PAK5: variants seen among roughly 807,000 people sequenced by gnomAD.
PAK5 encodes p21 (RAC1) activated kinase 5.
A neutral mutation model predicts 65.9 loss-of-function variants in PAK5; 16 were observed. That is an observed-to-expected ratio of 0.24 (90% CI 0.16 to 0.37). The LOEUF is 0.37. PAK5 is among the 10% of genes least tolerant of loss of function. PAK5 has a pLI of 1.00. For missense variants in PAK5, 785 were observed against 903.9 expected (o/e 0.87, Z 1.69); for synonymous variants, 371 against 354.9 (o/e 1.05, Z -0.51).
intron 6 of PAK5, among the ~76,000 whole-genome samples, chr20:9,558,310 C>T (rs891490456): frequency 6.6e-6 from 1 of 151,988 alleles, no homozygotes. Context: ...TAGGGTTTCA[C>T]CATATTGGCC....
intron 1 of PAK5, among the ~76,000 whole-genome samples, chr20:9,805,564 C>T (rs1445411522): frequency 6.6e-6 from 1 of 152,102 alleles, no homozygotes; most frequent in East Asian, 1.9e-4. Context: ...AATACTGATA[C>T]ATGCTGCAAA....
chr20:9,623,391 G>A (rs1428126456), intron 3 of PAK5, among the ~76,000 whole-genome samples: 1 of 152,048 alleles, frequency 6.6e-6, no homozygotes, highest in East Asian at 1.9e-4. Flanking sequence ...GATCAAATCA[G>A]CAAGAAATAA....
chr20:9,752,128 C>T (rs940273954), intron 1 of PAK5, among the ~76,000 whole-genome samples: 4 of 152,056 alleles, frequency 2.6e-5, no homozygotes, highest in African/African-American at 9.7e-5. Context: ...TCCTGCTTGA[C>T]ATAGGTGACT....
chr20:9,633,036 C>T (rs2046942221), intron 3 of PAK5, among the ~76,000 whole-genome samples: 1 of 152,090 alleles, frequency 6.6e-6, no homozygotes, highest in South Asian at 2.1e-4. Flanking sequence ...TGGTATGGGG[C>T]TAAGTAAGAT....
intron 1 of PAK5, among the ~76,000 whole-genome samples, chr20:9,787,956 G>A (rs2049010208): frequency 7.0e-6 from 1 of 142,964 alleles, no homozygotes; most frequent in Non-Finnish European, 1.5e-5. Flanking sequence ...AAAATTAGCT[G>A]TCTCCAGCCC....
intron 4 of PAK5, among the ~76,000 whole-genome samples, chr20:9,578,123 T>C (rs2045919010): frequency 6.6e-6 from 1 of 152,134 alleles, no homozygotes; most frequent in South Asian, 2.1e-4. Context: ...AGGAAAATAT[T>C]GAGCAGGGAG....
chr20:9,804,266 T>G (rs2049205050), intron 1 of PAK5, among the ~76,000 whole-genome samples: 1 of 152,208 alleles, frequency 6.6e-6, no homozygotes, highest in Admixed American at 6.5e-5. Context: ...AAAATACAGA[T>G]TTTCAAGTGT....
chr20:9,608,226 A>C (rs1319118714), intron 3 of PAK5, among the ~76,000 whole-genome samples: 2 of 152,236 alleles, frequency 1.3e-5, no homozygotes, highest in African/African-American at 4.8e-5. Flanking sequence ...GGAGGGATAC[A>C]AGTATTCATT....
intron 2 of PAK5, among the ~76,000 whole-genome samples, chr20:9,659,784 A>G (rs1041605950): frequency 3.9e-5 from 6 of 152,152 alleles, no homozygotes; most frequent in Non-Finnish European, 8.8e-5. Flanking sequence ...CTGTCATTGG[A>G]TATTGCCTTG....
intron 6 of PAK5, among the ~76,000 whole-genome samples, chr20:9,562,536 G>A (rs2045606673): frequency 6.6e-6 from 1 of 152,176 alleles, no homozygotes; most frequent in Non-Finnish European, 1.5e-5. Flanking sequence ...TATCCTTGGT[G>A]TCTTAGCATG....
At chr20:9,636,371 G>A (rs1473311524) in intron 3 of PAK5, among the ~76,000 whole-genome samples, 1 of 152,140 alleles carries the variant, frequency 6.6e-6, no homozygotes, top group Non-Finnish European at 1.5e-5. Context: ...TCAAGAATGG[G>A]ATGGCCAGAC....
chr20:9,560,256 T>C (rs1410720237), intron 6 of PAK5, among the ~76,000 whole-genome samples: 1 of 152,210 alleles, frequency 6.6e-6, no homozygotes, highest in Non-Finnish European at 1.5e-5. Flanking sequence ...ACTTCTTTCC[T>C]ATAGGAAAAA....
chr20:9,703,938 G>T (rs1327306492), intron 2 of PAK5, among the ~76,000 whole-genome samples: 3 of 152,110 alleles, frequency 2.0e-5, no homozygotes, highest in African/African-American at 7.2e-5. Flanking sequence ...ATCTCATAAG[G>T]CACCTGCTTC....
intron 3 of PAK5, among the ~76,000 whole-genome samples, chr20:9,593,145 G>GA (rs1018905749): frequency 3.3e-4 from 48 of 147,582 alleles, no homozygotes; most frequent in East Asian, 5.9e-4. Flanking sequence ...TTTCTACAAA[G>GA]AAAAAAAAAA....
At chr20:9,630,358 G>A (rs1298816742) in intron 3 of PAK5, among the ~76,000 whole-genome samples, 1 of 152,146 alleles carries the variant, frequency 6.6e-6, no homozygotes, top group Non-Finnish European at 1.5e-5. Context: ...GAAATTAAAG[G>A]TCTGCCCTAC....
intron 1 of PAK5, among the ~76,000 whole-genome samples, chr20:9,764,549 T>C (rs1260535205): frequency 2.0e-5 from 3 of 152,180 alleles, no homozygotes; most frequent in Non-Finnish European, 4.4e-5. Context: ...TTTTAGCGTC[T>C]GTTGATGATT....
At chr20:9,673,005 C>T (rs978583925) in intron 2 of PAK5, among the ~76,000 whole-genome samples, 2 of 152,156 alleles carry the variant, frequency 1.3e-5, no homozygotes, top group African/African-American at 2.4e-5. Flanking sequence ...ATGCTCACCT[C>T]CCCTTCTCTC....
At chr20:9,774,771 G>A (rs756282224) in intron 1 of PAK5, among the ~76,000 whole-genome samples, 6 of 151,748 alleles carry the variant, frequency 4.0e-5, no homozygotes, top group Non-Finnish European at 8.8e-5. Flanking sequence ...GTGAAACCCC[G>A]TCTCTACTAA....
At position 9,566,271 on chromosome 20, in the gene PAK5, T is replaced by C. The variant is rs750266683; in HGVS notation, c.1104A>G (p.Ser368=). 3 of 1,613,740 alleles carry C rather than the reference T, an allele frequency of 1.9e-6. No individual in the cohort carries two copies. The highest frequency in any genetic ancestry group is 2.7e-5 in the African/African-American group (2 of 74,976). The change falls in exon 5 of 10, where the codon TCA becomes TCG. Residue 368 remains serine, a synonymous_variant. Transcript: ENST00000353224. ...ACCCAGACGGGTACTGGTGACTGCT[T>C]GAGGAATAGCCCGATTTGCTTTGAC... The part of the protein sequence containing the change: ...PQSQSKSGYS[S]SSHQYPSGYH...
Sources: gnomAD v4.1 joint callset for allele counts (sites outside exome capture counted in the v4.1 genomes callset) on GRCh38, gnomAD v4.1.1 for gene constraint, MANE v1.5 for transcripts, NCBI Gene and HGNC (gene_info 2026-07-23, HGNC 2026-07-21) for gene names.